DUOX2: variants seen among roughly 807,000 people sequenced by gnomAD.
The protein encoded by DUOX2 is dual oxidase 2.
DUOX2 carries 185 observed loss-of-function variants against 183.3 expected under a neutral mutation model. The ratio of observed to expected loss-of-function variants is 1.01; its 90% CI spans 0.90 to 1.14. The LOEUF (loss-of-function observed/expected upper bound fraction) is 1.14, where lower values mean the gene tolerates loss of function less well. Ranked by LOEUF, DUOX2 falls within the 50% of genes most tolerant of loss-of-function variation. The pLI is 0.00. For missense variants in DUOX2, 1,999 were observed against 2,022.9 expected (o/e 0.99, Z 0.23); for synonymous variants, 788 against 812.4 (o/e 0.97, Z 0.51).
intron 29 of DUOX2, 27 bp downstream of exon 29, chr15:45,097,211 C>T (rs754784809): frequency 1.1e-5 from 18 of 1,613,930 alleles, no homozygotes; most frequent in South Asian, 2.2e-5. Flanking sequence ...CTGTCGCTCC[C>T]GACCCAGGTC....
At position 45,095,813 on chromosome 15, in the gene DUOX2, C is replaced by T. The variant is rs367887153; in HGVS notation, c.4080+15G>A. 3.7e-5 allele frequency: 59 copies of T among 1,610,520 alleles called. No individual in the cohort carries two copies. The African/African-American group carries it at 6.1e-4, about 17-fold the overall frequency. The stretch of plus-strand genomic sequence containing the variant: ...GTGCCAGAGGCCCGGAAGCAGGGTT[C>T]CCAGTGACGGGCACCTTTGGGTATC... On this transcript the variant is annotated intron_variant, in intron 30 of 33. Coordinates refer to ENST00000389039, the MANE Select transcript of DUOX2 (RefSeq NM_001363711.2).
chr15:45,111,090 C>T (rs1894382615), intron 7 of DUOX2, 21 bp downstream of exon 7: 2 of 927,190 alleles, frequency 2.2e-6, no homozygotes, highest in Non-Finnish European at 3.2e-6. Flanking sequence ...GGGAGGACGT[C>T]GCGGGGCGCG....
At position 45,093,313 on chromosome 15, in the gene DUOX2, G is replaced by A. The variant is rs989588581; in HGVS notation, c.*837C>T. ...GAGATCGAGTACTGAATATCTGGCA[G>A]AGAGGCTGGAATCCTTCAGCCCCAG... On this transcript the variant is annotated 3_prime_UTR_variant, in exon 34 of 34. Coordinates refer to ENST00000389039, the MANE Select transcript of DUOX2 (RefSeq NM_001363711.2). 1.3e-5 allele frequency: 2 copies of A among 152,274 alleles called. No individual in the cohort carries two copies. The allele number at this position is 152,274 out of a possible 1,614,324, so 9.4% of individuals were successfully genotyped here.
Position 45,098,016 on chromosome 15 carries a change from G to A in DUOX2, c.3558C>T (p.Thr1186=), listed in dbSNP as rs140393165. The A allele has an allele frequency of 3.1e-4, 495 of 1,614,056 alleles. 1 individual carries two copies. In the African/African-American group the frequency reaches 4.3e-3, roughly 14 times the overall value. Residue 1186 remains threonine (T), a synonymous_variant, in exon 27 of 34, where the codon ACC becomes ACT. Coordinates refer to ENST00000389039, the MANE Select transcript of DUOX2 (RefSeq NM_001363711.2). The part of the protein sequence containing the change: ...PQKFYWWFFQ[T]VPGMTGVLLL... ...AGGTCCCACGTTTCCTACCTGGGAC[G>A]GTCTGGAAGAACCACCAATAGAACT...
At chr15:45,102,566 G>A (rs1269682778) in intron 20 of DUOX2, among the ~76,000 whole-genome samples, 1 of 152,228 alleles carries the variant, frequency 6.6e-6, no homozygotes, top group Non-Finnish European at 1.5e-5. Flanking sequence ...ATGCAAGTTT[G>A]TGTAGGTCCG....
At chr15:45,112,432 G>T (rs1165156933) in intron 4 of DUOX2, 122 bp downstream of exon 4, 4 of 1,239,802 alleles carry the variant, frequency 3.2e-6, no homozygotes, top group East Asian at 2.5e-5. Flanking sequence ...GAAGTGCTGC[G>T]TAGAGAGGAA....
chr15:45,109,878 C>A lies in DUOX2; in HGVS notation c.1131+12G>T. ...TTGACCCATCTTCCCCTGACCCTGA[C>A]CCCAGTCTGACCTCCCGAATCCAGT... is the stretch of plus-strand genomic sequence containing the variant. On this transcript the variant is annotated intron_variant, in intron 10 of 33. Transcript: ENST00000389039. The A allele has an allele frequency of 6.2e-7, 1 of 1,613,852 alleles. No homozygotes were observed. The highest frequency in any genetic ancestry group is 8.5e-7 in the Non-Finnish European group (1 of 1,179,724).
At chr15:45,104,492 G>T in intron 18 of DUOX2, 127 bp from the exon 19 acceptor site, 2 of 1,274,818 alleles carry the variant, frequency 1.6e-6, no homozygotes, top group Non-Finnish European at 2.2e-6. Flanking sequence ...TGGTTCTCCT[G>T]ATCCTTAGAT....
In DUOX2 at chr15:45,099,437, A is replaced by C. The variant is rs1206017087; in HGVS notation, c.3461T>G (p.Val1154Gly). Residue 1154 changes from valine (V) to glycine (G), a missense_variant, in exon 26 of 34, where the codon GTC (valine) becomes GGC (glycine). Physicochemically the swap from Val to Gly is moderately radical, Grantham distance 109 (BLOSUM62 -3). This residue lies in a region of DUOX2 where 1,628 missense variants were observed against 1,608.6 expected (regional missense o/e 1.01). Transcript: ENST00000389039. ...GCAGGCCAGCAGGCTGAGTGGGCTG[A>C]CTGAGAAGATGTAGACATTGACTGC... is the stretch of plus-strand genomic sequence containing the variant. Reference protein sequence around the residue: ...GHAVNVYIFSVSPLSLLACIF... With the variant: ...GHAVNVYIFSGSPLSLLACIF... The C allele has an allele frequency of 1.2e-6, 2 of 1,614,168 alleles. 1 individual carries two copies. Among genetic ancestry groups the C allele is most frequent in the Admixed American group, 3.3e-5 (2 of 60,020 alleles).
intron 16 of DUOX2, 65 bp downstream of exon 16, chr15:45,106,463 T>C (rs1447666412): frequency 1.0e-5 from 16 of 1,597,492 alleles, no homozygotes; most frequent in Non-Finnish European, 1.3e-5. Context: ...CTTGGTTCTT[T>C]CTCCCAGACT....
chr15:45,113,196 G>T, intron 2 of DUOX2, 120 bp from the exon 3 acceptor site: 1 of 1,436,252 alleles, frequency 7.0e-7, no homozygotes, highest in Non-Finnish European at 9.6e-7. Flanking sequence ...CCCAAGTGTC[G>T]GGCCGCACTG....
At position 45,097,403 on chromosome 15, in the gene DUOX2, G is replaced by A. The variant is rs1212227671; in HGVS notation, c.3694-12C>T. 1.2e-6 allele frequency: 2 copies of A among 1,614,222 alleles called. No individual in the cohort carries two copies. Among genetic ancestry groups the A allele is most frequent in the Non-Finnish European group, 1.7e-6 (2 of 1,180,038 alleles). On this transcript the variant is annotated splice_polypyrimidine_tract_variant and intron_variant, in intron 28 of 33. Transcript: ENST00000389039. ...CCATGGATGATGAGCTGGAGACACG[G>A]CCAGTTAGTACAACTCAGGCCCAGC...
chr15:45,099,779 T>C lies in DUOX2; in HGVS notation c.3298A>G (p.Thr1100Ala). 1.9e-6 allele frequency: 3 copies of C among 1,614,086 alleles called. No individual in the cohort carries two copies. Among genetic ancestry groups the C allele is most frequent in the Non-Finnish European group, 2.5e-6 (3 of 1,180,006 alleles). The change falls in exon 25 of 34, where the codon ACC becomes GCC. Residue 1100 changes from threonine to alanine, a missense_variant. Physicochemically the swap from Thr to Ala is moderately conservative, Grantham distance 58. Coordinates refer to ENST00000389039, the MANE Select transcript of DUOX2 (RefSeq NM_001363711.2). Reference protein sequence around the residue: ...VSFMFSYILLTMCRNLITFLR... With the variant: ...VSFMFSYILLAMCRNLITFLR... ...AAGGTTATGAGGTTGCGGCACATGG[T>C]GAGCAAGATATAAGAGAACATGAAG...
intron 9 of DUOX2, among the ~76,000 whole-genome samples, chr15:45,110,217 C>T (rs551788567): frequency 1.3e-5 from 2 of 152,218 alleles, no homozygotes; most frequent in Non-Finnish European, 2.9e-5. Context: ...AATCCTACAC[C>T]CAGCCACCAA....
At chr15:45,100,663 C>T (rs964480896) in intron 23 of DUOX2, 92 bp downstream of exon 23, 18 of 1,057,664 alleles carry the variant, frequency 1.7e-5, no homozygotes, top group Admixed American at 1.0e-4. Context: ...TCAGGATGGT[C>T]GCTTATATGT....
Position 45,095,053 on chromosome 15 carries a change from A to AAACTGAC in DUOX2, c.4271_4277dup (p.Phe1426LeufsTer4). ...CTTGGATGATGTCAGCCAGCCACTCAAACTGACGCTGGGTCCGTGTCACCC... is the reference window on the plus strand; with the variant it reads ...CTTGGATGATGTCAGCCAGCCACTCAAACTGACAACTGACGCTGGGTCCGTGTCACCC... On this transcript the variant is annotated frameshift_variant, in exon 32 of 34. Coordinates refer to ENST00000389039, the MANE Select transcript of DUOX2 (RefSeq NM_001363711.2). LOFTEE classifies it high-confidence loss of function. The AAACTGAC allele has an allele frequency of 6.2e-7, 1 of 1,614,040 alleles. No individual in the cohort carries two copies. Among genetic ancestry groups the AAACTGAC allele is most frequent in the Middle Eastern group, 1.7e-4 (1 of 6,046 alleles).
rs199896919 is a variant in DUOX2, at chr15:45,106,242, C to A, written c.2031G>T (p.Arg677Ser). 14 of 1,614,108 alleles carry A rather than the reference C, an allele frequency of 8.7e-6. No homozygotes were observed. The highest frequency in any genetic ancestry group is 1.2e-5 in the Non-Finnish European group (14 of 1,180,018). The change falls in exon 17 of 34, where the codon AGG (arginine) becomes AGT (serine). Residue 677 changes from arginine (R) to serine (S), a missense_variant. This residue lies in a region of DUOX2 where 1,628 missense variants were observed against 1,608.6 expected (regional missense o/e 1.01). Transcript: ENST00000389039. ...GGACCACACGGAGCACAGTGAGATG[C>A]CTGTTCAGGACCTGCAGACACCTGT... ...LSDRCLQVLN[R>S]HLTVLRVVQL...
In DUOX2 at chr15:45,100,699, GA is replaced by G. The variant is rs1330244187; in HGVS notation, c.3005+55del. 2.8e-6 allele frequency: 4 copies of G among 1,446,520 alleles called. No homozygotes were observed. The African/African-American group carries it at 5.6e-5, about 20-fold the overall frequency. The allele number at this position is 1,446,520 out of a possible 1,614,324, so 89.6% of individuals were successfully genotyped here. The stretch of plus-strand genomic sequence containing the variant: ...CAAGGATATGTGGGTGGGGCCTAGG[GA>G]CCCTAAGACTTCTCTCCATGTCTCT... On this transcript the variant is annotated intron_variant, in intron 23 of 33. Transcript: ENST00000389039.
At chr15:45,107,850 C>CAAAAAAAAAAAAA (rs36025213) in intron 13 of DUOX2, among the ~76,000 whole-genome samples, 197 bp downstream of exon 13, 15 of 48,682 alleles carry the variant, frequency 3.1e-4, no homozygotes, top group South Asian at 1.4e-3. Context: ...GACTCTGCCT[C>CAAAAAAAAAAAAA]AAAAAAAAAA....
Sources: allele counts gnomAD v4.1 joint callset (sites outside exome capture counted in the v4.1 genomes callset), GRCh38; gene constraint gnomAD v4.1.1; regional missense constraint gnomAD v4.1.1; transcripts MANE v1.5; gene names NCBI Gene and HGNC (gene_info 2026-07-23, HGNC 2026-07-21).